SORCS3: variants seen among roughly 807,000 people sequenced by gnomAD.
SORCS3 encodes the protein VPS10 domain-containing receptor SorCS3.
In SORCS3, 57 loss-of-function variants were observed where a neutral mutation model predicts 146.3. The ratio of observed to expected loss-of-function variants is 0.39; its 90% CI spans 0.31 to 0.49. The LOEUF is 0.49. Among genes scored for constraint, SORCS3 ranks in the 20% least tolerant of loss-of-function variants. The probability of loss-of-function intolerance (pLI) is 0.92; values close to 1 mark genes in which losing one functional copy is unlikely to be tolerated. For synonymous variants in SORCS3, 653 were observed against 618.5 expected, an observed-to-expected ratio of 1.06 and a Z score of -0.83; for missense variants, 1,341 against 1,575.5, an observed-to-expected ratio of 0.85 and a Z score of 2.52.
intron 5 of SORCS3, among the ~76,000 whole-genome samples, chr10:105,068,080 T>C (rs899747397): frequency 1.3e-5 from 2 of 152,092 alleles, no homozygotes; most frequent in African/African-American, 2.4e-5. Flanking sequence ...GCAACATCTC[T>C]ACCCTGATAT....
intron 13 of SORCS3, among the ~76,000 whole-genome samples, chr10:105,169,926 A>G (rs185642043): frequency 7.9e-5 from 12 of 152,256 alleles, no homozygotes; most frequent in East Asian, 3.9e-4. Context: ...TTTCTTCCCT[A>G]TAAGTCCTGG....
At position 105,164,399 on chromosome 10, in the gene SORCS3, A is replaced by T; in HGVS notation, c.1809+20A>T. The T allele has an allele frequency of 6.5e-7, 1 of 1,549,458 alleles. No individual in the cohort carries two copies. The highest frequency in any genetic ancestry group is 8.9e-7 in the Non-Finnish European group (1 of 1,121,412). ...AGACAGGTAACTGGGTGAATTGACAAAAAGGGAGGAGGCATTTAGAGTAAG... is the reference window on the plus strand; with the variant it reads ...AGACAGGTAACTGGGTGAATTGACATAAAGGGAGGAGGCATTTAGAGTAAG... On this transcript the variant is annotated intron_variant, in intron 12 of 26. Coordinates refer to ENST00000369701, the MANE Select transcript of SORCS3 (RefSeq NM_014978.3).
chr10:104,741,099 C>T (rs1220446795), intron 1 of SORCS3, among the ~76,000 whole-genome samples: 1 of 150,748 alleles, frequency 6.6e-6, no homozygotes, highest in Non-Finnish European at 1.5e-5. Context: ...GTAGCTGATA[C>T]TACAGGTGCA....
intron 4 of SORCS3, among the ~76,000 whole-genome samples, chr10:105,037,665 A>G (rs1242050032): frequency 6.6e-6 from 1 of 152,148 alleles, no homozygotes; most frequent in South Asian, 2.1e-4. Flanking sequence ...AACACCAGTC[A>G]TACTGGATTA....
chr10:105,061,639 C>T (rs1449745927), intron 5 of SORCS3, among the ~76,000 whole-genome samples: 3 of 119,466 alleles, frequency 2.5e-5, no homozygotes, highest in Admixed American at 1.9e-4. Flanking sequence ...GGTGACAGAG[C>T]GAGACCCTAT....
chr10:104,888,348 C>T (rs560894883), intron 2 of SORCS3, among the ~76,000 whole-genome samples: 20 of 152,258 alleles, frequency 1.3e-4, no homozygotes, highest in South Asian at 2.1e-4. Context: ...AAATGCTGGC[C>T]GATCCAAGAA....
rs1352182250 is a variant in SORCS3 at position 105,178,154 on chromosome 10, A to G, written c.1990A>G (p.Met664Val). ...FVDGALVEAG[M>V]ETHIMTVFGH... is the part of the protein sequence containing the mutation. ...TGACGGGGCTCTGGTGGAGGCAGGA[A>G]TGGAGACCCACATCATGACGTGAGT... Residue 664 changes from methionine to valine, a missense_variant, in exon 14 of 27, where the codon ATG becomes GTG. Met to Val is a conservative substitution (Grantham distance 21). Coordinates refer to ENST00000369701, the MANE Select transcript of SORCS3 (RefSeq NM_014978.3). 2 of 1,612,812 alleles carry G rather than the reference A, an allele frequency of 1.2e-6. No individual in the cohort carries two copies. Among genetic ancestry groups the G allele is most frequent in the East Asian group, 2.2e-5 (1 of 44,808 alleles).
intron 3 of SORCS3, among the ~76,000 whole-genome samples, chr10:104,956,611 A>T (rs940748): frequency 0.44 from 66,016 of 150,336 alleles, 17,575 homozygotes; most frequent in African/African-American, 0.77. Flanking sequence ...TTTTTTTTTT[A>T]AATTTTACAG....
chr10:105,120,100 A>G (rs1009225631), intron 7 of SORCS3, among the ~76,000 whole-genome samples: 37 of 152,148 alleles, frequency 2.4e-4, no homozygotes, highest in African/African-American at 8.2e-4. Context: ...AGGTAATTGA[A>G]TCATGGGGGC....
intron 2 of SORCS3, among the ~76,000 whole-genome samples, chr10:104,858,565 C>T (rs747162837): frequency 6.6e-6 from 1 of 151,802 alleles, no homozygotes; most frequent in Non-Finnish European, 1.5e-5. Context: ...AGATAGACTT[C>T]CAGGGGATGA....
At chr10:104,924,550 T>G (rs1437270883) in intron 3 of SORCS3, among the ~76,000 whole-genome samples, 2 of 152,174 alleles carry the variant, frequency 1.3e-5, no homozygotes, top group African/African-American at 4.8e-5. Context: ...ACCAAGGACT[T>G]GCATTCAAAA....
At chr10:104,810,246 C>T (rs765766291) in intron 1 of SORCS3, among the ~76,000 whole-genome samples, 6 of 152,050 alleles carry the variant, frequency 3.9e-5, no homozygotes, top group Non-Finnish European at 5.9e-5. Flanking sequence ...ATTAGAAAAT[C>T]TGAAAACATA....
chr10:104,713,423 T>C (rs1012616262), intron 1 of SORCS3, among the ~76,000 whole-genome samples: 4 of 152,242 alleles, frequency 2.6e-5, no homozygotes, highest in African/African-American at 9.6e-5. Context: ...TCATGCTAGC[T>C]GTACGTTTTT....
At chr10:104,687,008 T>C (rs566401920) in intron 1 of SORCS3, among the ~76,000 whole-genome samples, 13 of 152,272 alleles carry the variant, frequency 8.5e-5, no homozygotes, top group African/African-American at 3.1e-4. Flanking sequence ...CATCCTTCCA[T>C]CTATCTATTC....
At chr10:104,787,813 C>T (rs952033398) in intron 1 of SORCS3, among the ~76,000 whole-genome samples, 2 of 152,200 alleles carry the variant, frequency 1.3e-5, no homozygotes, top group African/African-American at 2.4e-5. Flanking sequence ...TGCAGGGAAA[C>T]AGAAATGCAG....
Position 105,026,999 on chromosome 10 carries a change from A to G in SORCS3, c.955-16056A>G, listed in dbSNP as rs1391834611. On this transcript the variant is annotated intron_variant, in intron 4 of 26. Coordinates refer to ENST00000369701, the MANE Select transcript of SORCS3 (RefSeq NM_014978.3). ...AAAGAAAAGTTGAAATTAAGCAAAC[A>G]GAAACGCCAAGACCCTGTCCAGGTA... 7.2e-5 allele frequency among the ~76,000 whole-genome samples: 11 copies of G among 152,318 alleles called. No individual in the cohort carries two copies. The East Asian group carries it at 7.7e-4, about 11-fold the overall frequency.
intron 1 of SORCS3, among the ~76,000 whole-genome samples, chr10:104,815,545 T>A (rs1442153537): frequency 6.6e-6 from 1 of 150,868 alleles, no homozygotes; most frequent in Non-Finnish European, 1.5e-5. Context: ...GACATTGAGA[T>A]ACAAATTCAC....
At chr10:104,780,443 C>T (rs761906276) in intron 1 of SORCS3, among the ~76,000 whole-genome samples, 16 of 152,204 alleles carry the variant, frequency 1.1e-4, no homozygotes, top group Admixed American at 5.2e-4. Flanking sequence ...CACGCATACT[C>T]GGCCCCCTGG....
At chr10:104,913,372 G>C (rs909343010) in intron 2 of SORCS3, among the ~76,000 whole-genome samples, 61 of 152,170 alleles carry the variant, frequency 4.0e-4, no homozygotes, top group African/African-American at 1.1e-3. Flanking sequence ...ATTAAGACTT[G>C]AAGAGTGATC....
Sources: gnomAD v4.1 joint callset for allele counts (sites outside exome capture counted in the v4.1 genomes callset) on GRCh38, gnomAD v4.1.1 for gene constraint, MANE v1.5 for transcripts, NCBI Gene and HGNC (gene_info 2026-07-23, HGNC 2026-07-21) for gene names.